KANSL2: variants seen among roughly 807,000 people sequenced by gnomAD.
KANSL2 encodes the protein NSL complex protein NSL2.
In KANSL2, 34 loss-of-function variants were observed where a neutral mutation model predicts 55.6. That is an observed-to-expected ratio of 0.61 (90% CI 0.46 to 0.81). The LOEUF is 0.81. KANSL2 is among the 40% of genes least tolerant of loss of function. The pLI is 0.00. For missense variants in KANSL2, 502 were observed against 609.9 expected (o/e 0.82, Z 1.86); for synonymous variants, 209 against 214.3 (o/e 0.98, Z 0.22).
chr12:48,667,903 C>CA (rs1939633062), intron 6 of KANSL2, 114 bp from the exon 7 acceptor site: 1 of 752,628 alleles, frequency 1.3e-6, no homozygotes, highest in Admixed American at 2.6e-5. Context: ...CAACATTTAA[C>CA]AAAAATAGAT....
intron 7 of KANSL2, among the ~76,000 whole-genome samples, chr12:48,663,751 T>G (rs1939532258): frequency 1.3e-5 from 2 of 152,012 alleles, no homozygotes; most frequent in Admixed American, 1.3e-4. Flanking sequence ...TGATAAGGCT[T>G]CTGATCAACA....
rs1333671791 is a variant in KANSL2 at position 48,653,470 on chromosome 12, C to T, written c.*574G>A. 1 of 152,558 alleles carries T rather than the reference C, an allele frequency of 6.6e-6. No individual in the cohort carries two copies. The highest frequency in any genetic ancestry group is 2.4e-5 in the African/African-American group (1 of 41,408). 9.5% of individuals were successfully genotyped at this position (152,558 alleles called of 1,614,324 possible). A position where few individuals can be genotyped will look rare whatever the true frequency, so the allele number is the denominator to read the frequency against. On this transcript the variant is annotated 3_prime_UTR_variant, in exon 10 of 10. Transcript: ENST00000420613. ...TTTAACATTTAATAGAAACTATATA[C>T]AATAAATTTTTACTATATTTTACAT...
chr12:48,657,634 GAGAC>G (rs1939411265), intron 8 of KANSL2, among the ~76,000 whole-genome samples: 1 of 151,952 alleles, frequency 6.6e-6, no homozygotes, highest in Admixed American at 6.6e-5. Flanking sequence ...GCGTGTGTGT[GAGAC>G]AGAGTTTCAC....
Position 48,679,087 on chromosome 12 carries a change from T to A in KANSL2, c.494A>T (p.Asp165Val). Residue 165 changes from aspartate to valine, a missense_variant, in exon 4 of 10, where the codon GAC (aspartate) becomes GTC (valine). By Grantham distance (152) the Asp-to-Val change is radical. Coordinates refer to ENST00000420613, the MANE Select transcript of KANSL2 (RefSeq NM_017822.4). ...PITVDQTWRG[D>V]PDSEADSIDS... ...TATGCTATCAGCTTCACTGTCAGGGTCACCTCTCCATGTCTGATCCACAGT... is the reference window on the plus strand; with the variant it reads ...TATGCTATCAGCTTCACTGTCAGGGACACCTCTCCATGTCTGATCCACAGT... 6.2e-7 allele frequency: 1 copy of A among 1,613,866 alleles called. No individual in the cohort carries two copies. Among genetic ancestry groups the A allele is most frequent in the Non-Finnish European group, 8.5e-7 (1 of 1,179,858 alleles).
rs376397236 is a variant in KANSL2 at position 48,653,618 on chromosome 12, T to C, written c.*426A>G. The C allele has an allele frequency of 4.5e-5, 7 of 154,546 alleles. No individual in the cohort carries two copies. Among genetic ancestry groups the C allele is most frequent in the Non-Finnish European group, 1.0e-4 (7 of 69,614 alleles). 9.6% of individuals were successfully genotyped at this position (154,546 alleles called of 1,614,324 possible). A position where few individuals can be genotyped will look rare whatever the true frequency, so the allele number is the denominator to read the frequency against. Reference sequence around the variant, plus strand: ...TTCACCAGGGAAAGGGGTTAAAGACTGCCCAATTAAGTAGAGGTGAAGAAA... The same window carrying C: ...TTCACCAGGGAAAGGGGTTAAAGACCGCCCAATTAAGTAGAGGTGAAGAAA... On this transcript the variant is annotated 3_prime_UTR_variant, in exon 10 of 10. Coordinates refer to ENST00000420613, the MANE Select transcript of KANSL2 (RefSeq NM_017822.4).
At chr12:48,662,342 T>A (rs776769827) in intron 7 of KANSL2, among the ~76,000 whole-genome samples, 1 of 152,198 alleles carries the variant, frequency 6.6e-6, no homozygotes, top group Non-Finnish European at 1.5e-5. Flanking sequence ...TGACCTCAGG[T>A]GATCAGCCCG....
intron 6 of KANSL2, among the ~76,000 whole-genome samples, chr12:48,668,808 G>A (rs1011610258): frequency 1.3e-5 from 2 of 152,144 alleles, no homozygotes; most frequent in African/African-American, 2.4e-5. Flanking sequence ...TTGGGAGGCC[G>A]AGGTGGGTAG....
intron 9 of KANSL2, 48 bp from the exon 10 acceptor site, chr12:48,654,223 G>T (rs544402294): frequency 3.2e-6 from 5 of 1,566,952 alleles, no homozygotes; most frequent in Admixed American, 3.8e-5. Context: ...ATTCACTGTG[G>T]TCTGAAGTAT....
chr12:48,665,701 G>T (rs1214637906), intron 7 of KANSL2, among the ~76,000 whole-genome samples: 2 of 152,122 alleles, frequency 1.3e-5, no homozygotes, highest in Non-Finnish European at 1.5e-5. Flanking sequence ...TAATAAATAA[G>T]CACTTTCACA....
At chr12:48,679,460 C>T (rs1487020572) in intron 3 of KANSL2, among the ~76,000 whole-genome samples, 195 bp downstream of exon 3, 1 of 152,306 alleles carries the variant, frequency 6.6e-6, no homozygotes, top group Non-Finnish European at 1.5e-5. Flanking sequence ...TGGTCACCAA[C>T]TCAGGAAAGT....
intron 7 of KANSL2, among the ~76,000 whole-genome samples, chr12:48,663,018 A>G (rs1939517400): frequency 6.6e-6 from 1 of 152,224 alleles, no homozygotes. Flanking sequence ...AGAATTCCAT[A>G]TCCTGGAATG....
intron 9 of KANSL2, chr12:48,654,508 G>T (rs1193553506): frequency 1.6e-6 from 1 of 631,578 alleles, no homozygotes; most frequent in South Asian, 1.4e-5. Flanking sequence ...CTGGTCTTCA[G>T]TCAGGGCCAC....
chr12:48,658,932 G>T (rs1939440283), intron 8 of KANSL2, among the ~76,000 whole-genome samples: 1 of 152,146 alleles, frequency 6.6e-6, no homozygotes, highest in South Asian at 2.1e-4. Context: ...AGAATGAACG[G>T]CTGTGTTTTT....
In KANSL2 at chr12:48,669,112, G is replaced by A. The variant is rs1345562092; in HGVS notation, c.870C>T (p.Ala290=). 1 of 1,543,352 alleles carries A rather than the reference G, an allele frequency of 6.5e-7. No homozygotes were observed. The highest frequency in any genetic ancestry group is 8.7e-7 in the Non-Finnish European group (1 of 1,143,832). ...AGGTATACACACAAATTACCTGTTG[G>A]GCAGCACCATCTGTGGCCAGCATTC... is the stretch of plus-strand genomic sequence containing the variant. ...ERRMLATDGA[A]QQAHTTRSSQ... Residue 290 remains alanine, a synonymous_variant, in exon 6 of 10, where the codon GCC becomes GCT. Coordinates refer to ENST00000420613, the MANE Select transcript of KANSL2 (RefSeq NM_017822.4).
In KANSL2 at chr12:48,660,749, A is replaced by AT; in HGVS notation, c.974-131dup. 3 of 932,512 alleles carry AT rather than the reference A, an allele frequency of 3.2e-6. No homozygotes were observed. In the East Asian group the frequency reaches 8.1e-5, roughly 25 times the overall value. The allele number at this position is 932,512 out of a possible 1,614,324, so 57.8% of individuals were successfully genotyped here. ...AAATTACAACTACATTTGATACAGA[A>AT]TACCAAATGCAGTTAGCAATTTTTA... is the stretch of plus-strand genomic sequence containing the variant. On this transcript the variant is annotated intron_variant, in intron 7 of 9. Coordinates refer to ENST00000420613, the MANE Select transcript of KANSL2 (RefSeq NM_017822.4).
In KANSL2 at chr12:48,681,657, A is replaced by C. The variant is rs201047342; in HGVS notation, c.-9-16T>G. On this transcript the variant is annotated splice_polypyrimidine_tract_variant and intron_variant, in intron 1 of 9. Coordinates refer to ENST00000420613, the MANE Select transcript of KANSL2 (RefSeq NM_017822.4). ...TAACCAAAACCTGCGGGGTCAAACG[A>C]AAGACCAAAAAGCCCTTACCCTTCC... The C allele has an allele frequency of 6.2e-7, 1 of 1,613,840 alleles. No individual in the cohort carries two copies. Among genetic ancestry groups the C allele is most frequent in the South Asian group, 1.1e-5 (1 of 91,080 alleles).
At chr12:48,675,742 A>T (rs143462137) in intron 4 of KANSL2, among the ~76,000 whole-genome samples, 5 of 152,298 alleles carry the variant, frequency 3.3e-5, no homozygotes, top group African/African-American at 9.6e-5. Flanking sequence ...CATGTAACAG[A>T]TGGCTCATTT....
At chr12:48,671,540 G>T (rs1425105900) in intron 5 of KANSL2, among the ~76,000 whole-genome samples, 1 of 152,040 alleles carries the variant, frequency 6.6e-6, no homozygotes, top group East Asian at 1.9e-4. Flanking sequence ...CCTTTTCTCT[G>T]TTTAGATGTG....
At chr12:48,679,293 C>G in intron 3 of KANSL2, 143 bp from the exon 4 acceptor site, 1 of 701,586 alleles carries the variant, frequency 1.4e-6, no homozygotes, top group Non-Finnish European at 2.5e-6. Flanking sequence ...AAGGTACTGG[C>G]AAATAAAAAC....
Sources: gnomAD v4.1 joint callset for allele counts (sites outside exome capture counted in the v4.1 genomes callset) on GRCh38, gnomAD v4.1.1 for gene constraint, MANE v1.5 for transcripts, NCBI Gene and HGNC (gene_info 2026-07-23, HGNC 2026-07-21) for gene names.